Variants in OR9I1 observed in about 807,000 individuals in gnomAD.
OR9I1 encodes the protein olfactory receptor family 9 subfamily I member 1, also known as olfactory receptor 9I1.
A neutral mutation model predicts 11.2 loss-of-function variants in OR9I1; 7 were observed. The ratio of observed to expected loss-of-function variants is 0.62; its 90% confidence interval spans 0.36 to 1.17. The LOEUF (loss-of-function observed/expected upper bound fraction) is 1.17, where lower values mean the gene tolerates loss of function less well. OR9I1 is among the 50% of genes most tolerant of loss of function. OR9I1 has a pLI of 0.02. For synonymous variants in OR9I1, 165 were observed against 153.4 expected, an observed-to-expected ratio of 1.08 and a Z score of -0.56; for missense variants, 428 against 377.2, an observed-to-expected ratio of 1.13 and a Z score of -1.12.
intron 2 of OR9I1, among the ~76,000 whole-genome samples, chr11:58,121,964 AT>A (rs1854037469): frequency 6.6e-6 from 1 of 152,222 alleles, no homozygotes; most frequent in African/African-American, 2.4e-5. Context: ...AAGTCAAATA[AT>A]TAGCTATTTG....
Position 58,119,427 on chromosome 11 carries a change from G to A in OR9I1, c.18C>T (p.Leu6=), listed in dbSNP as rs1301171759. 1 of 1,608,230 alleles carries A rather than the reference G, an allele frequency of 6.2e-7. No homozygotes were observed. The highest frequency in any genetic ancestry group is 1.1e-5 in the South Asian group (1 of 90,248). The change falls in exon 3 of 3, where the codon CTC becomes CTT. Residue 6 remains leucine (L), a synonymous_variant. Transcript: ENST00000641439. ...TGAGAATGAATTCGGTTACTCTGGTGAGATTATTCTTGGCCATGGAGACAA... is the reference window on the plus strand; with the variant it reads ...TGAGAATGAATTCGGTTACTCTGGTAAGATTATTCTTGGCCATGGAGACAA... MAKNN[L]TRVTEFILMG...
chr11:58,117,614 G>A lies in OR9I1; in HGVS notation c.*886C>T, dbSNP rs1853969534. The stretch of plus-strand genomic sequence containing the variant: ...TCTCACCAGATCTTCATTAGAGAAG[G>A]TAATATGGGGTTCAGTTGTCTTTCT... On this transcript the variant is annotated 3_prime_UTR_variant, in exon 3 of 3. Coordinates refer to ENST00000641439, the MANE Select transcript of OR9I1 (RefSeq NM_001005211.2). 1 of 152,150 alleles carries A rather than the reference G, an allele frequency of 6.6e-6. No individual in the cohort carries two copies. The highest frequency in any genetic ancestry group is 2.1e-4 in the South Asian group (1 of 4,828). 9.4% of individuals were successfully genotyped at this position (152,150 alleles called of 1,614,324 possible).
chr11:58,121,277 G>T (rs1203794041), intron 2 of OR9I1, among the ~76,000 whole-genome samples: 2 of 152,054 alleles, frequency 1.3e-5, no homozygotes, highest in Non-Finnish European at 2.9e-5. Context: ...GTACAGATTT[G>T]AGTCACCTCG....
rs1853997043 is a variant in OR9I1 at position 58,119,179 on chromosome 11, T to A, written c.266A>T (p.Lys89Ile). The stretch of plus-strand genomic sequence containing the variant: ...ACAGTGGCCGTAGGAGATGACCGTT[T>A]TGCCTGTGGCCAATGTGGCTAGGAT... The part of the protein sequence containing the change: ...PQILATLATG[K>I]TVISYGHCAA... The change falls in exon 3 of 3, where the codon AAA becomes ATA. Residue 89 changes from lysine to isoleucine, a missense_variant. By Grantham distance (102) the Lys-to-Ile change is moderately radical. Coordinates refer to ENST00000641439, the MANE Select transcript of OR9I1 (RefSeq NM_001005211.2). The A allele has an allele frequency of 1.2e-6, 2 of 1,613,930 alleles. No individual in the cohort carries two copies. The highest frequency in any genetic ancestry group is 3.3e-5 in the Admixed American group (2 of 60,002).
Position 58,118,294 on chromosome 11 carries a change from A to G in OR9I1, c.*206T>C. 1 of 508,664 alleles carries G rather than the reference A, an allele frequency of 2.0e-6. No individual in the cohort carries two copies. The highest frequency in any genetic ancestry group is 3.5e-6 in the Non-Finnish European group (1 of 288,370). 31.5% of individuals were successfully genotyped at this position (508,664 alleles called of 1,614,324 possible). A position where few individuals can be genotyped will look rare whatever the true frequency, so the allele number is the denominator to read the frequency against. The stretch of plus-strand genomic sequence containing the variant: ...CTGCCCAGTGCTAAGGAATGGATTG[A>G]AAGTGGAAGAAGGGGATAAGAAGAA... On this transcript the variant is annotated 3_prime_UTR_variant, in exon 3 of 3. Coordinates refer to ENST00000641439, the MANE Select transcript of OR9I1 (RefSeq NM_001005211.2).
At chr11:58,123,020 T>G (rs1347734440) in intron 2 of OR9I1, among the ~76,000 whole-genome samples, 1 of 152,128 alleles carries the variant, frequency 6.6e-6, no homozygotes, top group East Asian at 1.9e-4. Flanking sequence ...ATATTTTACT[T>G]ATCAATTCTA....
Position 58,118,579 on chromosome 11 carries a change from A to T in OR9I1, c.866T>A (p.Ile289Asn). ...TVVIPMLNPLIYSLRNKDVKD... is the reference protein window; with the variant it reads ...TVVIPMLNPLNYSLRNKDVKD... ...TACATCTTTGTTTCTTAAGCTGTAGATCAGAGGGTTCAGCATGGGGATGAC... is the reference window on the plus strand; with the variant it reads ...TACATCTTTGTTTCTTAAGCTGTAGTTCAGAGGGTTCAGCATGGGGATGAC... The change falls in exon 3 of 3, where the codon ATC (isoleucine) becomes AAC (asparagine). Residue 289 changes from isoleucine (I) to asparagine (N), a missense_variant. Ile to Asn is a moderately radical substitution (Grantham distance 149, BLOSUM62 -3). Coordinates refer to ENST00000641439, the MANE Select transcript of OR9I1 (RefSeq NM_001005211.2). 2 of 1,614,062 alleles carry T rather than the reference A, an allele frequency of 1.2e-6. No individual in the cohort carries two copies. Among genetic ancestry groups the T allele is most frequent in the Non-Finnish European group, 1.7e-6 (2 of 1,179,944 alleles).
intron 2 of OR9I1, among the ~76,000 whole-genome samples, chr11:58,121,972 T>C (rs1732984602): frequency 6.6e-6 from 1 of 152,176 alleles, no homozygotes; most frequent in Non-Finnish European, 1.5e-5. Flanking sequence ...TAATTAGCTA[T>C]TTGCAGACTT....
chr11:58,121,297 A>G (rs1016976953), intron 2 of OR9I1, among the ~76,000 whole-genome samples: 21 of 152,196 alleles, frequency 1.4e-4, no homozygotes, highest in Non-Finnish European at 2.6e-4. Context: ...GTAATACTGC[A>G]TAATACCATG....
At position 58,125,304 on chromosome 11, in the gene OR9I1, A is replaced by G. The variant is rs993969146; in HGVS notation, c.-255T>C. On this transcript the variant is annotated 5_prime_UTR_variant, in exon 1 of 3. Coordinates refer to ENST00000641439, the MANE Select transcript of OR9I1 (RefSeq NM_001005211.2). ...TATTTCACATAAGAGCTGAAATCCC[A>G]GTCTGGTCATGGTCCTATCAGATGA... 1.4e-4 allele frequency: 19 copies of G among 132,692 alleles called. No individual in the cohort carries two copies. The highest frequency in any genetic ancestry group is 5.1e-4 in the African/African-American group (18 of 35,092). 8.2% of individuals were successfully genotyped at this position (132,692 alleles called of 1,614,324 possible). A position where few individuals can be genotyped will look rare whatever the true frequency, so the allele number is the denominator to read the frequency against.
At chr11:58,120,421 A>G (rs61902766) in intron 2 of OR9I1, among the ~76,000 whole-genome samples, 26,215 of 152,026 alleles carry the variant, frequency 0.17, 2,403 homozygotes, top group Non-Finnish European at 0.21. Flanking sequence ...TAAGGAAAAG[A>G]AAATTTATTA....
chr11:58,124,702 A>G (rs1590604123), intron 1 of OR9I1, 63 bp from the exon 2 acceptor site: 1 of 152,312 alleles, frequency 6.6e-6, no homozygotes, highest in East Asian at 1.9e-4. Flanking sequence ...GAAGGTTTAG[A>G]GACATTAGAT....
At chr11:58,121,305 A>G (rs1854030113) in intron 2 of OR9I1, among the ~76,000 whole-genome samples, 2 of 152,206 alleles carry the variant, frequency 1.3e-5, no homozygotes, top group South Asian at 2.1e-4. Flanking sequence ...GCATAATACC[A>G]TGTTCCAAGT....
Position 58,119,382 on chromosome 11 carries a change from G to C in OR9I1, c.63C>G (p.Pro21=), listed in dbSNP as rs546513042. The change falls in exon 3 of 3, where the codon CCC becomes CCG. Residue 21 remains proline (P), a synonymous_variant. Transcript: ENST00000641439. The part of the protein sequence containing the change: ...EFILMGFMDH[P]KLEIPLFLVF... ...CCAGAAAGAGGGGAATCTCCAATTT[G>C]GGGTGGTCCATAAAGCCCATGAGAA... is the stretch of plus-strand genomic sequence containing the variant. 5.0e-6 allele frequency: 8 copies of C among 1,613,856 alleles called. No individual in the cohort carries two copies. The East Asian group carries it at 1.6e-4, about 31-fold the overall frequency.
At chr11:58,120,091 TA>T (rs1349939142) in intron 2 of OR9I1, among the ~76,000 whole-genome samples, 1 of 152,222 alleles carries the variant, frequency 6.6e-6, no homozygotes, top group African/African-American at 2.4e-5. Context: ...TATTAGCTGA[TA>T]ACAAAAAGTC....
Position 58,118,599 on chromosome 11 carries a change from G to T in OR9I1, c.846C>A (p.Ile282=). ...KVVSVFYTVV[I]PMLNPLIYSL... ...TGTAGATCAGAGGGTTCAGCATGGG[G>T]ATGACCACTGTATAGAAGACAGACA... The change falls in exon 3 of 3, where the codon ATC becomes ATA. Residue 282 remains isoleucine (I), a synonymous_variant. Coordinates refer to ENST00000641439, the MANE Select transcript of OR9I1 (RefSeq NM_001005211.2). 2 of 1,613,990 alleles carry T rather than the reference G, an allele frequency of 1.2e-6. No individual in the cohort carries two copies. Among genetic ancestry groups the T allele is most frequent in the Non-Finnish European group, 1.7e-6 (2 of 1,179,940 alleles).
chr11:58,118,734 A>G lies in OR9I1; in HGVS notation c.711T>C (p.Thr237=). 1 of 1,614,096 alleles carries G rather than the reference A, an allele frequency of 6.2e-7. No individual in the cohort carries two copies. The highest frequency in any genetic ancestry group is 8.5e-7 in the Non-Finnish European group (1 of 1,179,992). The part of the protein sequence containing the change: ...KVKSSGGRAK[T]FSTCASHITA... ...TGATGTGAGAGGCACATGTGGAGAA[A>G]GTCTTGGCCCTGCCACCTGAAGACT... is the stretch of plus-strand genomic sequence containing the variant. Residue 237 remains threonine (T), a synonymous_variant, in exon 3 of 3, where the codon ACT becomes ACC. Transcript: ENST00000641439.
rs1183278281 is a variant in OR9I1, at chr11:58,124,559, A to G, written c.-144T>C. 2.0e-5 allele frequency: 3 copies of G among 152,198 alleles called. No individual in the cohort carries two copies. The highest frequency in any genetic ancestry group is 7.2e-5 in the African/African-American group (3 of 41,442). The allele number at this position is 152,198 out of a possible 1,614,324, so 9.4% of individuals were successfully genotyped here. On this transcript the variant is annotated 5_prime_UTR_variant, in exon 2 of 3. Transcript: ENST00000641439. ...ACCTTACTGAAATCAGTGTCTTGAA[A>G]TATTGTTGTTAACATTTGCTGAGCT...
intron 2 of OR9I1, among the ~76,000 whole-genome samples, chr11:58,119,691 G>GT (rs944591381): frequency 4.6e-5 from 7 of 152,254 alleles, no homozygotes; most frequent in African/African-American, 1.4e-4. Flanking sequence ...GGAAATTTCT[G>GT]TAAAGATAAG....
Sources: gnomAD v4.1 joint callset for allele counts (sites outside exome capture counted in the v4.1 genomes callset) on GRCh38, gnomAD v4.1.1 for gene constraint, MANE v1.5 for transcripts, NCBI Gene and HGNC (gene_info 2026-07-23, HGNC 2026-07-21) for gene names.